LDLRAP1: variants seen among roughly 807,000 people sequenced by gnomAD.
The protein encoded by LDLRAP1 is low density lipoprotein receptor adapter protein 1.
LDLRAP1 carries 30 observed loss-of-function variants against 37.8 expected under a neutral mutation model. The observed-to-expected ratio is 0.79, with a 90% CI of 0.59 to 1.08. LDLRAP1 has a LOEUF of 1.08. LDLRAP1 is among the 50% of genes least tolerant of loss of function. The pLI, the probability that LDLRAP1 is intolerant of heterozygous loss-of-function variation, is 0.00. For missense variants in LDLRAP1, 375 were observed against 401.6 expected, an observed-to-expected ratio of 0.93 and a Z score of 0.57; for synonymous variants, 156 against 169.8, an observed-to-expected ratio of 0.92 and a Z score of 0.63.
At chr1:25,556,675 G>A (rs915391752) in intron 3 of LDLRAP1, among the ~76,000 whole-genome samples, 7 of 152,206 alleles carry the variant, frequency 4.6e-5, no homozygotes, top group Non-Finnish European at 8.8e-5. Context: ...AGCCTTAAGA[G>A]GCAGCATGGC....
intron 8 of LDLRAP1, 55 bp downstream of exon 8, chr1:25,565,262 G>A (rs2044448213): frequency 1.3e-5 from 21 of 1,593,274 alleles, no homozygotes; most frequent in Non-Finnish European, 1.8e-5. Flanking sequence ...GGCTGGCCCT[G>A]CTGCCCTTTC....
chr1:25,555,001 A>C lies in LDLRAP1; in HGVS notation c.344+29A>C. ...CGCTCAGCATGGGGTTGGCCCATCC[A>C]CTCTGCCACTTGGGGCAGTGGGTGG... On this transcript the variant is annotated intron_variant, in intron 3 of 8. Transcript: ENST00000374338. This position sits in a 1 kb window ranked among gnomAD's most constrained non-coding sequence, Gnocchi z 4.7. The C allele has an allele frequency of 1.3e-6, 2 of 1,527,084 alleles. No homozygotes were observed. The highest frequency in any genetic ancestry group is 1.8e-6 in the Non-Finnish European group (2 of 1,101,764). 94.6% of individuals were successfully genotyped at this position (1,527,084 alleles called of 1,614,324 possible).
chr1:25,572,322 G>A (rs180872583), downstream of LDLRAP1, among the ~76,000 whole-genome samples: 37 of 152,308 alleles, frequency 2.4e-4, no homozygotes, highest in East Asian at 5.2e-3. Flanking sequence ...TGCAGCCTGG[G>A]AGTCCACTTT....
intron 6 of LDLRAP1, 55 bp downstream of exon 6, chr1:25,563,208 C>T (rs902561250): frequency 6.7e-7 from 1 of 1,502,988 alleles, no homozygotes; most frequent in Non-Finnish European, 9.2e-7. Flanking sequence ...TTGCGCTTCA[C>T]CCAGGGGGGT....
At chr1:25,574,017 C>T in the LDLRAP1 span, among the ~76,000 whole-genome samples, 9 of 152,186 alleles carry the variant, frequency 5.9e-5, no homozygotes, top group African/African-American at 9.6e-5. Flanking sequence ...GGAAAAAGGG[C>T]GGTGGGGGGA....
intron 4 of LDLRAP1, among the ~76,000 whole-genome samples, chr1:25,562,120 G>A (rs1380953439): frequency 6.6e-6 from 1 of 152,186 alleles, no homozygotes; most frequent in Non-Finnish European, 1.5e-5. Flanking sequence ...TACTCTCTTT[G>A]TGGGATCCAG....
At chr1:25,576,502 G>T in the LDLRAP1 span, among the ~76,000 whole-genome samples, 8 of 152,336 alleles carry the variant, frequency 5.3e-5, 1 homozygote, top group South Asian at 2.1e-4. Context: ...CTCTAGCCTG[G>T]TCAACAAGAG....
At chr1:25,569,059 C>T (rs1322509005), downstream of LDLRAP1, among the ~76,000 whole-genome samples, 2 of 152,110 alleles carry the variant, frequency 1.3e-5, no homozygotes, top group Non-Finnish European at 2.9e-5. Context: ...GCCCCCTTTT[C>T]ACCCAGCAGC....
chr1:25,567,245 G>T lies in LDLRAP1; in HGVS notation c.*253G>T. 3.6e-6 allele frequency: 2 copies of T among 552,154 alleles called. No homozygotes were observed. The highest frequency in any genetic ancestry group is 3.3e-6 in the Non-Finnish European group (1 of 304,454). 34.2% of individuals were successfully genotyped at this position (552,154 alleles called of 1,614,324 possible). A position where few individuals can be genotyped will look rare whatever the true frequency, so the allele number is the denominator to read the frequency against. On this transcript the variant is annotated 3_prime_UTR_variant, in exon 9 of 9. Transcript: ENST00000374338. ...GGCTTATGCTCAGAAGCCAGTCTGC[G>T]TCAGGCACGTCTCCTGCTGCGTGAC...
chr1:25,574,731 G>C, the LDLRAP1 span, among the ~76,000 whole-genome samples: 1 of 152,202 alleles, frequency 6.6e-6, no homozygotes, highest in African/African-American at 2.4e-5. Flanking sequence ...GGGTGTGCAT[G>C]AGTGAGCCTG....
In LDLRAP1 at chr1:25,544,338, G is replaced by C. The variant is rs892579474; in HGVS notation, c.88+552G>C. On this transcript the variant is annotated intron_variant, in intron 1 of 8. Transcript: ENST00000374338. This position sits in a 1 kb window ranked among gnomAD's most constrained non-coding sequence, Gnocchi z 4.8. ...CCCATCCAGGTGTGAGCCCGGGGTC[G>C]CAGGTACGTACTTGAAATTGGGAAC... Among the ~76,000 whole-genome samples, 1 of 152,188 alleles carries C rather than the reference G, an allele frequency of 6.6e-6. No individual in the cohort carries two copies. The highest frequency in any genetic ancestry group is 1.5e-5 in the Non-Finnish European group (1 of 68,016).
the LDLRAP1 span, among the ~76,000 whole-genome samples, chr1:25,574,484 G>A: frequency 1.3e-5 from 2 of 152,212 alleles, no homozygotes; most frequent in Non-Finnish European, 2.9e-5. Flanking sequence ...TGTCTGAGCG[G>A]GGGGCTTCCA....
chr1:25,576,036 C>T, the LDLRAP1 span, among the ~76,000 whole-genome samples: 1 of 151,218 alleles, frequency 6.6e-6, no homozygotes, highest in Non-Finnish European at 1.5e-5. Context: ...TGAGACCAGC[C>T]TGGCCAACAT....
rs2044183522 is a variant in LDLRAP1 at position 25,555,790 on chromosome 1, T to G, written c.344+818T>G. Among the ~76,000 whole-genome samples the G allele has an allele frequency of 6.6e-6, 1 of 152,166 alleles. No homozygotes were observed. The highest frequency in any genetic ancestry group is 2.1e-4 in the South Asian group (1 of 4,830). ...CCTGATCATACCTGCCTTCCTTTAG[T>G]CAACAGTTTCAGATACCTATTCTGC... On this transcript the variant is annotated intron_variant, in intron 3 of 8. Transcript: ENST00000374338. The surrounding 1 kb of genome is among the most constrained non-coding windows in gnomAD (Gnocchi z 4.7).
chr1:25,554,292 C>A lies in LDLRAP1; in HGVS notation c.231+228C>A, dbSNP rs897103358. 7.9e-5 allele frequency among the ~76,000 whole-genome samples: 12 copies of A among 152,132 alleles called. No individual in the cohort carries two copies. The highest frequency in any genetic ancestry group is 1.6e-4 in the Non-Finnish European group (11 of 68,000). On this transcript the variant is annotated intron_variant, in intron 2 of 8. Transcript: ENST00000374338. This position sits in a 1 kb window ranked among gnomAD's most constrained non-coding sequence, Gnocchi z 5.4. ...CCATTATGGCCTCTTCCAGCCTCCC[C>A]ACCCCCAGCTCAGGCTCCCTACCAA...
chr1:25,546,750 T>C (rs1469536357), intron 1 of LDLRAP1, among the ~76,000 whole-genome samples: 5 of 152,224 alleles, frequency 3.3e-5, no homozygotes, highest in South Asian at 2.1e-4. Flanking sequence ...TATAATCATA[T>C]TTATAATATT....
intron 1 of LDLRAP1, among the ~76,000 whole-genome samples, chr1:25,552,696 G>T (rs78091517): frequency 0.019 from 2,845 of 152,292 alleles, 69 homozygotes; most frequent in African/African-American, 0.062. Context: ...CCGAGGAGCC[G>T]GGGATGGTCA....
chr1:25,585,282 G>T, the LDLRAP1 span, among the ~76,000 whole-genome samples: 1 of 152,116 alleles, frequency 6.6e-6, no homozygotes, highest in South Asian at 2.1e-4. Context: ...TCACCTGAGA[G>T]CACGCAGCAG....
In LDLRAP1 at chr1:25,567,077, G is replaced by C. The variant is rs768699402; in HGVS notation, c.*85G>C. ...TGCGGGGGAGCCAGTTCTGGGGCCC[G>C]CCTGCCACCTCTCCCAGCCCTCAGC... is the stretch of plus-strand genomic sequence containing the variant. On this transcript the variant is annotated 3_prime_UTR_variant, in exon 9 of 9. Transcript: ENST00000374338. The C allele has an allele frequency of 2.0e-6, 3 of 1,503,368 alleles. No homozygotes were observed. The allele number at this position is 1,503,368 out of a possible 1,614,324, so 93.1% of individuals were successfully genotyped here. A position where few individuals can be genotyped will look rare whatever the true frequency, so the allele number is the denominator to read the frequency against.
Sources: gnomAD v4.1 joint callset for allele counts (sites outside exome capture counted in the v4.1 genomes callset) on GRCh38, gnomAD v4.1.1 for gene constraint, Gnocchi (gnomAD v3.1) non-coding constraint, MANE v1.5 for transcripts, NCBI Gene and HGNC (gene_info 2026-07-23, HGNC 2026-07-21) for gene names.